The following COL19A1 variants were observed in gnomAD, a reference collection of about 807,000 sequenced individuals.
The protein encoded by COL19A1 is collagen alpha-1(XIX) chain.
In COL19A1, 159 loss-of-function variants were observed where a neutral mutation model predicts 190.2. The observed-to-expected ratio is 0.84, with a 90% CI of 0.73 to 0.95. COL19A1 has a LOEUF of 0.95. Ranked by LOEUF, COL19A1 falls within the 40% of genes least tolerant of loss-of-function variation. The pLI, the probability that COL19A1 is intolerant of heterozygous loss-of-function variation, is 0.00. For synonymous variants in COL19A1, 509 were observed against 458.9 expected (o/e 1.11, Z -1.39); for missense variants, 1,418 against 1,431.9 (o/e 0.99, Z 0.16).
chr6:69,910,715 C>T (rs1302587284), intron 4 of COL19A1, among the ~76,000 whole-genome samples: 1 of 151,958 alleles, frequency 6.6e-6, no homozygotes, highest in Non-Finnish European at 1.5e-5. Flanking sequence ...TTCTTTTATC[C>T]TATGAATCAA....
chr6:70,179,786 A>G (rs1232089529), intron 42 of COL19A1, among the ~76,000 whole-genome samples: 6 of 152,178 alleles, frequency 3.9e-5, no homozygotes, highest in Admixed American at 3.3e-4. Flanking sequence ...ACACAAATAT[A>G]TATTCGAAGA....
At chr6:70,051,417 G>T (rs1462162376) in intron 14 of COL19A1, among the ~76,000 whole-genome samples, 1 of 152,104 alleles carries the variant, frequency 6.6e-6, no homozygotes, top group African/African-American at 2.4e-5. Context: ...GCAGCAAGCA[G>T]CATGAGCCTT....
intron 2 of COL19A1, among the ~76,000 whole-genome samples, chr6:69,889,046 G>C (rs1769147621): frequency 6.6e-6 from 1 of 152,042 alleles, no homozygotes; most frequent in South Asian, 2.1e-4. Context: ...ATGCCTAAAG[G>C]CTCTTGTTTT....
At chr6:70,184,315 C>T (rs1173768787) in intron 44 of COL19A1, among the ~76,000 whole-genome samples, 1 of 152,182 alleles carries the variant, frequency 6.6e-6, no homozygotes, top group Non-Finnish European at 1.5e-5. Flanking sequence ...TGCCATGAGG[C>T]ACCTTCTTAT....
intron 33 of COL19A1, 54 bp from the exon 34 acceptor site, chr6:70,156,616 C>T: frequency 6.3e-7 from 1 of 1,581,316 alleles, no homozygotes. Flanking sequence ...TTTTTCATTT[C>T]CAAAAGATAA....
chr6:70,004,570 C>G (rs1403706237), intron 11 of COL19A1, among the ~76,000 whole-genome samples: 1 of 152,058 alleles, frequency 6.6e-6, no homozygotes, highest in Non-Finnish European at 1.5e-5. Context: ...TTTGTTCATT[C>G]CTTTTCATTC....
At chr6:69,959,761 G>A (rs1487677755) in intron 9 of COL19A1, among the ~76,000 whole-genome samples, 1 of 152,144 alleles carries the variant, frequency 6.6e-6, no homozygotes, top group Non-Finnish European at 1.5e-5. Context: ...CTAGTTAGGT[G>A]ACCTTTGACA....
intron 11 of COL19A1, 77 bp from the exon 12 acceptor site, chr6:70,023,550 A>G (rs961670475): frequency 3.3e-6 from 4 of 1,220,388 alleles, no homozygotes; most frequent in African/African-American, 3.2e-5. Flanking sequence ...TAAATACCCA[A>G]CCAACATAAC....
Position 70,206,908 on chromosome 6 carries a change from A to T in COL19A1, c.3231A>T (p.Arg1077Ser). The T allele has an allele frequency of 2.5e-6, 4 of 1,613,400 alleles. No individual in the cohort carries two copies. The highest frequency in any genetic ancestry group is 2.5e-6 in the Non-Finnish European group (3 of 1,179,722). Reference sequence around the variant, plus strand: ...TATATATTTCTCACTTAGGCTACAGAGGACAGAAGGGAGAAAGAGGTGAAC... The same window carrying T: ...TATATATTTCTCACTTAGGCTACAGTGGACAGAAGGGAGAAAGAGGTGAAC... ...PPGDPGPQGY[R>S]GQKGERGEPG... is the part of the protein sequence containing the mutation. The change falls in exon 50 of 51, where the codon AGA becomes AGT. Residue 1077 changes from arginine to serine, a missense_variant. Arg to Ser is a moderately radical substitution (Grantham distance 110). Coordinates refer to ENST00000620364, the MANE Select transcript of COL19A1 (RefSeq NM_001858.6).
chr6:70,045,403 G>T (rs1005393632), intron 14 of COL19A1, among the ~76,000 whole-genome samples: 34 of 151,156 alleles, frequency 2.2e-4, no homozygotes, highest in African/African-American at 7.5e-4. Flanking sequence ...TTTCTCCTTA[G>T]AATGGGTTAT....
chr6:70,052,132 C>A lies in COL19A1; in HGVS notation c.1170+16193C>A, dbSNP rs188245786. Among the ~76,000 whole-genome samples the A allele has an allele frequency of 1.1e-4, 16 of 152,158 alleles. No individual in the cohort carries two copies. The East Asian group carries it at 2.9e-3, about 28-fold the overall frequency. ...AACTGCAACAGACTCAGTGTGTCTC[C>A]GACTTTGGCCCAAGTGGGCAACCAT... is the stretch of plus-strand genomic sequence containing the variant. On this transcript the variant is annotated intron_variant, in intron 14 of 50. Transcript: ENST00000620364.
At chr6:69,878,339 G>C (rs1183891313) in intron 1 of COL19A1, among the ~76,000 whole-genome samples, 1 of 151,568 alleles carries the variant, frequency 6.6e-6, no homozygotes, top group Non-Finnish European at 1.5e-5. Context: ...TCAGCCTTCC[G>C]AGTAGCTGGG....
intron 15 of COL19A1, among the ~76,000 whole-genome samples, chr6:70,083,697 G>A (rs1165958200): frequency 6.6e-6 from 1 of 152,140 alleles, no homozygotes; most frequent in Non-Finnish European, 1.5e-5. Context: ...TGTGCACTTA[G>A]CCAGGTCAAT....
intron 14 of COL19A1, among the ~76,000 whole-genome samples, chr6:70,050,860 C>T (rs1003720987): frequency 2.0e-5 from 3 of 152,116 alleles, no homozygotes; most frequent in African/African-American, 7.2e-5. Context: ...GTTCATTATT[C>T]TGCAGACATG....
intron 2 of COL19A1, among the ~76,000 whole-genome samples, chr6:69,886,540 T>C (rs1236937004): frequency 6.6e-6 from 1 of 152,126 alleles, no homozygotes; most frequent in Non-Finnish European, 1.5e-5. Flanking sequence ...CCCATATTCA[T>C]TGCAACGTTA....
At chr6:70,177,148 C>A (rs1274805502) in intron 42 of COL19A1, among the ~76,000 whole-genome samples, 3 of 152,134 alleles carry the variant, frequency 2.0e-5, no homozygotes, top group African/African-American at 7.2e-5. Context: ...GAAATTATTT[C>A]TCTGAGCCCT....
intron 14 of COL19A1, among the ~76,000 whole-genome samples, chr6:70,067,643 C>T (rs988360308): frequency 6.6e-6 from 1 of 151,892 alleles, no homozygotes; most frequent in Non-Finnish European, 1.5e-5. Flanking sequence ...TGTGTGAGAT[C>T]AATGTGAGAG....
intron 48 of COL19A1, among the ~76,000 whole-genome samples, chr6:70,192,481 T>TC (rs1766936642): frequency 6.6e-6 from 1 of 150,876 alleles, no homozygotes; most frequent in Non-Finnish European, 1.5e-5. Flanking sequence ...CTTTCTTTAT[T>TC]TCTCTCTCTC....
intron 15 of COL19A1, among the ~76,000 whole-genome samples, chr6:70,081,053 TG>T (rs1782217150): frequency 6.6e-6 from 1 of 152,168 alleles, no homozygotes; most frequent in African/African-American, 2.4e-5. Flanking sequence ...TCAAAAATGG[TG>T]CACTATTCCC....
Sources: allele counts gnomAD v4.1 joint callset (sites outside exome capture counted in the v4.1 genomes callset), GRCh38; gene constraint gnomAD v4.1.1; transcripts MANE v1.5; gene names NCBI Gene and HGNC (gene_info 2026-07-23, HGNC 2026-07-21).